Variants in PDE11A observed in about 807,000 individuals in gnomAD.
PDE11A encodes phosphodiesterase 11A.
A neutral mutation model predicts 100.5 loss-of-function variants in PDE11A; 100 were observed. The ratio of observed to expected loss-of-function variants is 1.00; its 90% CI spans 0.85 to 1.18. The LOEUF is 1.18. PDE11A is among the 50% of genes most tolerant of loss of function. PDE11A has a pLI of 0.00. For synonymous variants in PDE11A, 381 were observed against 420.8 expected, an observed-to-expected ratio of 0.91 and a Z score of 1.16; for missense variants, 1,141 against 1,152.6, an observed-to-expected ratio of 0.99 and a Z score of 0.15.
At chr2:177,818,706 T>C (rs2083084908) in intron 7 of PDE11A, among the ~76,000 whole-genome samples, 1 of 152,114 alleles carries the variant, frequency 6.6e-6, no homozygotes, top group Admixed American at 6.6e-5. Context: ...CATATAGTTC[T>C]ACAAATCTTA....
intron 10 of PDE11A, among the ~76,000 whole-genome samples, chr2:177,752,759 A>G (rs930336056): frequency 1.6e-4 from 24 of 152,362 alleles, no homozygotes; most frequent in African/African-American, 5.3e-4. Context: ...ATTTTCAAGT[A>G]GCTTAGAGTC....
intron 6 of PDE11A, among the ~76,000 whole-genome samples, chr2:177,824,282 A>G (rs967836329): frequency 2.0e-5 from 3 of 152,224 alleles, no homozygotes; most frequent in African/African-American, 4.8e-5. Context: ...GGAGATACCA[A>G]TCTTGGAGTC....
chr2:178,094,204 CATACATACACACAGCAG>C (rs1651474477), intron 2 of PDE11A, among the ~76,000 whole-genome samples: 1 of 151,894 alleles, frequency 6.6e-6, no homozygotes, highest in African/African-American at 2.4e-5. Flanking sequence ...ACACACACCA[CATACATACACACAGCAG>C]AAAGGAATAT....
intron 9 of PDE11A, among the ~76,000 whole-genome samples, chr2:177,773,363 C>T (rs550725008): frequency 2.0e-5 from 3 of 152,310 alleles, no homozygotes; most frequent in African/African-American, 7.2e-5. Context: ...ATACCTCATG[C>T]TGTCTTCTAC....
In PDE11A at chr2:178,014,311, A is replaced by T. The variant is rs757235336; in HGVS notation, c.1062T>A (p.Asp354Glu). The T allele has an allele frequency of 1.2e-6, 2 of 1,612,210 alleles. No individual in the cohort carries two copies. Among genetic ancestry groups the T allele is most frequent in the Non-Finnish European group, 1.7e-6 (2 of 1,178,304 alleles). Residue 354 changes from aspartate (D) to glutamate (E), a missense_variant, in exon 2 of 20, where the codon GAT (aspartate) becomes GAA (glutamate). Coordinates refer to ENST00000286063, the MANE Select transcript of PDE11A (RefSeq NM_016953.4). ...KIPEGAPFTE[D>E]DEKVMQMYLP... ...AGGCATGAAATCTTACTTTTTCATC[A>T]TCTTCAGTAAATGGAGCTCCTTCAG...
At chr2:177,864,687 A>G (rs148606511) in intron 5 of PDE11A, among the ~76,000 whole-genome samples, 2 of 152,340 alleles carry the variant, frequency 1.3e-5, no homozygotes, top group Admixed American at 1.3e-4. Flanking sequence ...GAGATAATCA[A>G]TTATGAGATA....
At chr2:177,875,728 A>G (rs2084226471) in intron 5 of PDE11A, 131 bp downstream of exon 5, 4 of 720,190 alleles carry the variant, frequency 5.6e-6, no homozygotes, top group Non-Finnish European at 1.0e-5. Context: ...GCCCTGAAAT[A>G]CAGAAGAGTC....
chr2:178,016,331 A>G (rs1424848467), intron 1 of PDE11A, among the ~76,000 whole-genome samples: 1 of 151,936 alleles, frequency 6.6e-6, no homozygotes, highest in African/African-American at 2.4e-5. Flanking sequence ...CTGGTGATCC[A>G]TGGAGGCCAC....
chr2:177,829,490 C>T (rs1338685958), intron 6 of PDE11A, among the ~76,000 whole-genome samples: 8 of 151,860 alleles, frequency 5.3e-5, no homozygotes, highest in Admixed American at 2.0e-4. Flanking sequence ...TATAGCCAGG[C>T]TGGAATGCAG....
intron 19 of PDE11A, among the ~76,000 whole-genome samples, chr2:177,632,303 G>A (rs2079964224): frequency 1.3e-5 from 2 of 152,180 alleles, no homozygotes; most frequent in South Asian, 4.1e-4. Context: ...TGATGATGAT[G>A]AGGAGACTGA....
At chr2:177,791,444 G>A in intron 9 of PDE11A, among the ~76,000 whole-genome samples, 1 of 149,148 alleles carries the variant, frequency 6.7e-6, no homozygotes, top group Admixed American at 6.7e-5. Flanking sequence ...GTTAAATGAC[G>A]AGTTAATGGG....
At chr2:178,054,585 T>C (rs1429583163) in intron 1 of PDE11A, among the ~76,000 whole-genome samples, 1 of 152,128 alleles carries the variant, frequency 6.6e-6, no homozygotes, top group Non-Finnish European at 1.5e-5. Flanking sequence ...GAGAAAATTT[T>C]TACAATCTAC....
chr2:177,655,948 T>A (rs1189990782), intron 19 of PDE11A, among the ~76,000 whole-genome samples: 1 of 152,206 alleles, frequency 6.6e-6, no homozygotes, highest in African/African-American at 2.4e-5. Context: ...GAGGACTACA[T>A]TTTCTGGCAA....
At chr2:178,106,391 A>C (rs1036585963) in intron 1 of PDE11A, among the ~76,000 whole-genome samples, 1 of 152,238 alleles carries the variant, frequency 6.6e-6, no homozygotes, top group Non-Finnish European at 1.5e-5. Flanking sequence ...AAGCCGGGTA[A>C]GAAAACTTAC....
chr2:178,030,247 A>T (rs1408821257), intron 1 of PDE11A, among the ~76,000 whole-genome samples: 1 of 152,218 alleles, frequency 6.6e-6, no homozygotes, highest in Admixed American at 6.5e-5. Context: ...TTAAACAAAT[A>T]TAATGGTGTT....
chr2:177,870,519 C>A (rs1437722870), intron 5 of PDE11A, among the ~76,000 whole-genome samples: 1 of 152,226 alleles, frequency 6.6e-6, no homozygotes, highest in Non-Finnish European at 1.5e-5. Flanking sequence ...ACCATTCTGA[C>A]TTTCAACATG....
chr2:177,840,633 T>A (rs1030967941), intron 5 of PDE11A, among the ~76,000 whole-genome samples: 1 of 152,228 alleles, frequency 6.6e-6, no homozygotes, highest in African/African-American at 2.4e-5. Flanking sequence ...GACTCTAGGC[T>A]GTATTTAGGT....
At chr2:177,930,904 T>G (rs900720249) in intron 2 of PDE11A, among the ~76,000 whole-genome samples, 3 of 152,190 alleles carry the variant, frequency 2.0e-5, no homozygotes, top group African/African-American at 7.2e-5. Flanking sequence ...TCTCTGAACC[T>G]TAATTAGAAA....
chr2:177,667,248 T>C (rs1331931866), intron 18 of PDE11A, among the ~76,000 whole-genome samples: 2 of 152,226 alleles, frequency 1.3e-5, no homozygotes, highest in African/African-American at 4.8e-5. Flanking sequence ...CAATTCAACA[T>C]CTCTGGACCA....
Sources: allele counts gnomAD v4.1 joint callset (sites outside exome capture counted in the v4.1 genomes callset), GRCh38; gene constraint gnomAD v4.1.1; transcripts MANE v1.5; gene names NCBI Gene and HGNC (gene_info 2026-07-23, HGNC 2026-07-21).